The following PDZD2 variants were observed in gnomAD, a reference collection of about 807,000 sequenced individuals.
PDZD2 encodes the protein PDZ domain-containing protein 2.
A neutral mutation model predicts 220.7 loss-of-function variants in PDZD2; 90 were observed. The ratio of observed to expected loss-of-function variants is 0.41; its 90% CI spans 0.34 to 0.49. The LOEUF is 0.49. PDZD2 is among the 20% of genes least tolerant of loss of function. PDZD2 has a pLI of 0.28. For synonymous variants in PDZD2, 1,375 were observed against 1,450.5 expected, an observed-to-expected ratio of 0.95 and a Z score of 1.18; for missense variants, 3,174 against 3,608.5, an observed-to-expected ratio of 0.88 and a Z score of 3.08.
chr5:31,874,121 C>T (rs1008818471), intron 2 of PDZD2, among the ~76,000 whole-genome samples: 3 of 152,168 alleles, frequency 2.0e-5, no homozygotes, highest in African/African-American at 7.2e-5. Flanking sequence ...ATTCCATCTG[C>T]TTCAAGAAAC....
At chr5:31,659,290 G>A (rs1297766800) in intron 1 of PDZD2, among the ~76,000 whole-genome samples, 1 of 151,798 alleles carries the variant, frequency 6.6e-6, no homozygotes, top group Non-Finnish European at 1.5e-5. Flanking sequence ...CTCACCCTCT[G>A]GCAATTTGAG....
At chr5:31,854,708 G>T (rs993751990) in intron 2 of PDZD2, among the ~76,000 whole-genome samples, 2 of 152,078 alleles carry the variant, frequency 1.3e-5, no homozygotes, top group African/African-American at 4.8e-5. Flanking sequence ...CTGAGCCCTC[G>T]GTGTAAACAA....
At chr5:31,804,477 G>T (rs1561473248) in intron 2 of PDZD2, among the ~76,000 whole-genome samples, 1 of 152,202 alleles carries the variant, frequency 6.6e-6, no homozygotes, top group Non-Finnish European at 1.5e-5. Flanking sequence ...GAGGATGTCT[G>T]CCAGCCACTG....
chr5:32,004,481 C>T (rs1278588374), intron 5 of PDZD2, among the ~76,000 whole-genome samples: 1 of 152,190 alleles, frequency 6.6e-6, no homozygotes. Flanking sequence ...ATCCGTGCTA[C>T]TTGGGAGGCT....
intron 2 of PDZD2, among the ~76,000 whole-genome samples, chr5:31,840,334 G>A (rs1236905334): frequency 6.8e-6 from 1 of 146,482 alleles, no homozygotes; most frequent in Non-Finnish European, 1.5e-5. Flanking sequence ...ATTACAATGG[G>A]CCTTGCAAAT....
In PDZD2 at chr5:32,074,402, C is replaced by G. The variant is rs571407057; in HGVS notation, c.3296C>G (p.Thr1099Arg). Reference protein sequence around the residue: ...YTVRTDTQSPTNTGSPSSPQQ... With the variant: ...YTVRTDTQSPRNTGSPSSPQQ... ...GTCCGTACAGACACCCAGAGTCCGACGAACACTGGGAGCCCCAGTTCCCCC... is the reference window on the plus strand; with the variant it reads ...GTCCGTACAGACACCCAGAGTCCGAGGAACACTGGGAGCCCCAGTTCCCCC... Residue 1099 changes from threonine (T) to arginine (R), a missense_variant, in exon 18 of 25, where the codon ACG (threonine) becomes AGG (arginine). By Grantham distance (71) the Thr-to-Arg change is moderately conservative. Transcript: ENST00000438447. 1.2e-5 allele frequency: 19 copies of G among 1,614,052 alleles called. No individual in the cohort carries two copies. Among genetic ancestry groups the G allele is most frequent in the Non-Finnish European group, 4.2e-6 (5 of 1,180,024 alleles).
At chr5:31,989,427 T>TTTTTTTTTTATTTATTTTTTTA (rs1751025492) in intron 3 of PDZD2, among the ~76,000 whole-genome samples, 1 of 144,708 alleles carries the variant, frequency 6.9e-6, no homozygotes, top group African/African-American at 2.7e-5. Flanking sequence ...TTTTCTTTTT[T>TTTTTTTTTTATTTATTTTTTTA]TTTTTTTTTT....
intron 2 of PDZD2, among the ~76,000 whole-genome samples, chr5:31,915,598 A>G (rs1743612609): frequency 6.6e-6 from 1 of 152,192 alleles, no homozygotes; most frequent in Admixed American, 6.5e-5. Context: ...CATTTGCTCT[A>G]TATACAGGCC....
At position 31,898,977 on chromosome 5, in the gene PDZD2, G is replaced by A. The variant is rs188566383; in HGVS notation, c.477-84178G>A. On this transcript the variant is annotated intron_variant, in intron 2 of 24. Transcript: ENST00000438447. The stretch of plus-strand genomic sequence containing the variant: ...CGAGTAGCTGGGACTATAGGCGCCC[G>A]CCACCACCCCCAGCTATTTTTTTTG... 3.3e-3 allele frequency among the ~76,000 whole-genome samples: 503 copies of A among 151,762 alleles called. 2 individuals carry two copies. Among genetic ancestry groups the A allele is most frequent in the African/African-American group, 0.012 (487 of 41,404 alleles).
At chr5:31,877,870 G>C (rs934107297) in intron 2 of PDZD2, among the ~76,000 whole-genome samples, 1 of 152,042 alleles carries the variant, frequency 6.6e-6, no homozygotes, top group African/African-American at 2.4e-5. Flanking sequence ...TGTATTTTTA[G>C]TAGAGATGGG....
intron 2 of PDZD2, among the ~76,000 whole-genome samples, chr5:31,867,987 G>T (rs1233463530): frequency 1.3e-5 from 2 of 152,066 alleles, no homozygotes; most frequent in African/African-American, 4.8e-5. Flanking sequence ...GTTTTAACTG[G>T]GGGATCTCAC....
intron 2 of PDZD2, among the ~76,000 whole-genome samples, chr5:31,945,572 A>G (rs947982575): frequency 4.6e-5 from 7 of 151,822 alleles, no homozygotes; most frequent in South Asian, 4.2e-4. Flanking sequence ...ACCACACCAA[A>G]ATTCTGTCTT....
intron 2 of PDZD2, among the ~76,000 whole-genome samples, chr5:31,866,336 A>G (rs1437549482): frequency 6.6e-6 from 1 of 152,112 alleles, no homozygotes; most frequent in East Asian, 1.9e-4. Context: ...AATAACATAC[A>G]TATCAAAGCC....
At chr5:31,895,910 G>A (rs888942814) in intron 2 of PDZD2, among the ~76,000 whole-genome samples, 2 of 152,112 alleles carry the variant, frequency 1.3e-5, no homozygotes, top group African/African-American at 4.8e-5. Flanking sequence ...TTGGGGAACT[G>A]GCTTTACTAA....
At chr5:32,100,961 T>C in intron 23 of PDZD2, 144 bp from the exon 24 acceptor site, 2 of 1,600,336 alleles carry the variant, frequency 1.2e-6, no homozygotes, top group East Asian at 2.2e-5. Flanking sequence ...AGTGCTGTTA[T>C]AAGTAAGTAA....
At chr5:31,805,014 C>G (rs1200869347) in intron 2 of PDZD2, among the ~76,000 whole-genome samples, 1 of 151,984 alleles carries the variant, frequency 6.6e-6, no homozygotes, top group Non-Finnish European at 1.5e-5. Flanking sequence ...GCCAACATGG[C>G]GAAACCCTGC....
chr5:31,858,268 C>G (rs1758632245), intron 2 of PDZD2, among the ~76,000 whole-genome samples: 1 of 147,074 alleles, frequency 6.8e-6, no homozygotes, highest in Non-Finnish European at 1.5e-5. Flanking sequence ...CAGCCAGTTT[C>G]CTAGAGTTTA....
chr5:31,739,835 C>G (rs1750142150), intron 1 of PDZD2, among the ~76,000 whole-genome samples: 1 of 152,218 alleles, frequency 6.6e-6, no homozygotes, highest in Non-Finnish European at 1.5e-5. Context: ...CATTGAAACT[C>G]TCACAAAATT....
intron 1 of PDZD2, among the ~76,000 whole-genome samples, chr5:31,697,091 G>A (rs1263170323): frequency 6.6e-6 from 1 of 152,210 alleles, no homozygotes; most frequent in East Asian, 1.9e-4. Flanking sequence ...AGAGAAACTG[G>A]TCCTTTATTA....
Sources: gnomAD v4.1 joint callset for allele counts (sites outside exome capture counted in the v4.1 genomes callset) on GRCh38, gnomAD v4.1.1 for gene constraint, MANE v1.5 for transcripts, NCBI Gene and HGNC (gene_info 2026-07-23, HGNC 2026-07-21) for gene names.